The following DLG3 variants were observed in gnomAD, a reference collection of about 807,000 sequenced individuals.
DLG3 encodes discs large MAGUK scaffold protein 3.
Under a neutral mutation model 64.1 loss-of-function variants are expected in DLG3, and 1 was observed. The observed-to-expected ratio is 0.02, with a 90% confidence interval of 0.01 to 0.07. DLG3 has a LOEUF of 0.07. Ranked by LOEUF, DLG3 falls within the 10% of genes least tolerant of loss-of-function variation. The probability of loss-of-function intolerance (pLI) is 1.00; values close to 1 mark genes in which losing one functional copy is unlikely to be tolerated. For synonymous variants in DLG3, 245 were observed against 259.8 expected (o/e 0.94, Z 0.55); for missense variants, 429 against 669.5 (o/e 0.64, Z 3.96).
Position 70,452,009 on chromosome X carries a change from TGAG to T in DLG3, c.1134_1136del (p.Glu378del), listed in dbSNP as rs1602871734. 8.3e-7 allele frequency: 1 copy of T among 1,211,063 alleles called. No individual in the cohort carries two copies. Among genetic ancestry groups the T allele is most frequent in the Non-Finnish European group, 1.1e-6 (1 of 895,344 alleles). ...CTCCTATTCCCAGGCACATGCTGGC[TGAG>T]GAGGACTTCACCAGGTAAGACCCCG... On this transcript the variant is annotated inframe_deletion, in exon 7 of 19. Transcript: ENST00000374360.
chrX:70,466,814 T>C (rs1325603187), intron 9 of DLG3, among the ~76,000 whole-genome samples: 1 of 112,265 alleles, frequency 8.9e-6, no homozygotes, highest in African/African-American at 3.2e-5. Context: ...ATGTTTTGTA[T>C]ATTTTGCCTG....
At chrX:70,448,858 G>A in intron 1 of DLG3, 55 bp from the exon 2 acceptor site, 4 of 1,178,537 alleles carry the variant, frequency 3.4e-6, no homozygotes, top group Admixed American at 2.3e-5. Context: ...TGACTAAGGG[G>A]CAGATGGCTG....
chrX:70,463,580 T>C (rs1337344534), intron 9 of DLG3, among the ~76,000 whole-genome samples: 1 of 112,155 alleles, frequency 8.9e-6, no homozygotes, highest in African/African-American at 3.2e-5. Context: ...TATTGCACAA[T>C]AGGGTAATTG....
chrX:70,492,163 G>A lies in DLG3; in HGVS notation c.1577G>A (p.Ser526Asn). The A allele has an allele frequency of 8.3e-7, 1 of 1,207,705 alleles. No individual in the cohort carries two copies. Among genetic ancestry groups the A allele is most frequent in the Non-Finnish European group, 1.1e-6 (1 of 893,811 alleles). The change falls in exon 11 of 19, where the codon AGC becomes AAC. Residue 526 changes from serine (S) to asparagine (N), a missense_variant. Coordinates refer to ENST00000374360, the MANE Select transcript of DLG3 (RefSeq NM_021120.4). ...AGCTGCCTGCCAAGCCAGGGGCTCA[G>A]CTTCTCTTATGGTGACATTCTGCAT... ...RDSCLPSQGL[S>N]FSYGDILHVI...
chrX:70,492,960 C>G (rs1176559404), intron 12 of DLG3, among the ~76,000 whole-genome samples: 1 of 112,056 alleles, frequency 8.9e-6, no homozygotes, highest in African/African-American at 3.2e-5. Flanking sequence ...TCCCTTCAGA[C>G]CACCTGAGGC....
intron 9 of DLG3, among the ~76,000 whole-genome samples, chrX:70,458,120 C>T (rs181066797): frequency 0.049 from 5,455 of 110,558 alleles, 108 homozygotes; most frequent in East Asian, 0.066. Flanking sequence ...AAGCATTCTT[C>T]CTGCCTTGGC....
chrX:70,452,631 G>T (rs1279334519), intron 7 of DLG3: 39 of 1,186,665 alleles, frequency 3.3e-5, no homozygotes, highest in Non-Finnish European at 4.2e-5. Flanking sequence ...TATGGAGAGG[G>T]CCCGCAAGTT....
At chrX:70,498,682 ACT>A in intron 14 of DLG3, 112 bp downstream of exon 14, 2 of 656,798 alleles carry the variant, frequency 3.0e-6, no homozygotes, top group African/African-American at 3.8e-5. Context: ...GGAAGGCTTG[ACT>A]CATGGCACAT....
chrX:70,495,466 TAC>T lies in DLG3; in HGVS notation c.1819+18_1819+19del. 8.3e-7 allele frequency: 1 copy of T among 1,200,382 alleles called. No homozygotes were observed. On this transcript the variant is annotated intron_variant, in intron 13 of 18. Coordinates refer to ENST00000374360, the MANE Select transcript of DLG3 (RefSeq NM_021120.4). ...GCAAAGAACCTGAGTAAGTCCAACTTACACACCGTTCACTGTACTTGTGGCAT... is the reference window on the plus strand; with the variant it reads ...GCAAAGAACCTGAGTAAGTCCAACTTACACCGTTCACTGTACTTGTGGCAT...
chrX:70,478,931 C>T (rs949776751), intron 9 of DLG3, among the ~76,000 whole-genome samples: 1 of 111,832 alleles, frequency 8.9e-6, no homozygotes, highest in Non-Finnish European at 1.9e-5. Context: ...ACTCCCTTTT[C>T]AGGTGCATTC....
intron 7 of DLG3, 121 bp from the exon 8 acceptor site, chrX:70,453,516 C>G (rs2086650584): frequency 2.9e-6 from 3 of 1,043,716 alleles, no homozygotes; most frequent in Non-Finnish European, 3.8e-6. Context: ...CTCAGGGTAT[C>G]ATACATAGGG....
chrX:70,491,668 C>T (rs1210484223), intron 10 of DLG3, among the ~76,000 whole-genome samples: 1 of 112,155 alleles, frequency 8.9e-6, no homozygotes, highest in African/African-American at 3.2e-5. Context: ...TTTAGTGCTT[C>T]AGGAGTGTTT....
chrX:70,496,094 AAG>A (rs1408157321), intron 13 of DLG3, among the ~76,000 whole-genome samples: 1 of 112,501 alleles, frequency 8.9e-6, no homozygotes, highest in African/African-American at 3.2e-5. Flanking sequence ...CTTTCTGGAA[AAG>A]AATCCTGGAG....
At chrX:70,491,535 C>A (rs1293833448) in intron 10 of DLG3, among the ~76,000 whole-genome samples, 1 of 112,603 alleles carries the variant, frequency 8.9e-6, no homozygotes, top group Non-Finnish European at 1.9e-5. Flanking sequence ...CCTCCCTGAA[C>A]CTCTGTTTCC....
chrX:70,453,612 G>A, intron 7 of DLG3, 25 bp from the exon 8 acceptor site: 14 of 1,205,626 alleles, frequency 1.2e-5, no homozygotes, highest in Non-Finnish European at 1.6e-5. Context: ...ACCTAGTCCT[G>A]ACTCCTCCAC....
rs1347833181 is a variant in DLG3 at position 70,450,212 on chromosome X, C to T, written c.747C>T (p.Ile249=). The part of the protein sequence containing the change: ...SIAGGIGNQH[I]PGDNSIYITK... ...CTGGGGGTATTGGCAACCAGCACAT[C>T]CCAGGAGACAACAGCATCTACATCA... is the stretch of plus-strand genomic sequence containing the variant. The change falls in exon 5 of 19, where the codon ATC becomes ATT. Residue 249 remains isoleucine, a synonymous_variant. Coordinates refer to ENST00000374360, the MANE Select transcript of DLG3 (RefSeq NM_021120.4). The T allele has an allele frequency of 8.3e-7, 1 of 1,208,726 alleles. No individual in the cohort carries two copies. The highest frequency in any genetic ancestry group is 1.1e-6 in the Non-Finnish European group (1 of 894,532).
At chrX:70,446,351 A>T (rs886525605) in intron 1 of DLG3, among the ~76,000 whole-genome samples, 1 of 103,176 alleles carries the variant, frequency 9.7e-6, no homozygotes, top group Non-Finnish European at 2.0e-5. Flanking sequence ...ACATGTCCCA[A>T]GCAAGGCTGA....
intron 1 of DLG3, among the ~76,000 whole-genome samples, chrX:70,446,438 G>A (rs1341949717): frequency 1.8e-5 from 2 of 110,103 alleles, no homozygotes; most frequent in Non-Finnish European, 3.8e-5. Flanking sequence ...GGCGGGGGGC[G>A]GGGGGAGATT....
At chrX:70,465,742 G>A (rs933056578) in intron 9 of DLG3, among the ~76,000 whole-genome samples, 1 of 111,361 alleles carries the variant, frequency 9.0e-6, no homozygotes, top group African/African-American at 3.3e-5. Flanking sequence ...TTGGCTTTAA[G>A]CAGTTTTATG....
Sources: gnomAD v4.1 joint callset for allele counts (sites outside exome capture counted in the v4.1 genomes callset) on GRCh38, gnomAD v4.1.1 for gene constraint, MANE v1.5 for transcripts, NCBI Gene and HGNC (gene_info 2026-07-23, HGNC 2026-07-21) for gene names.